ERC1: variants seen among roughly 807,000 people sequenced by gnomAD.
ERC1 encodes RAB6 interacting protein 2.
A neutral mutation model predicts 132.0 loss-of-function variants in ERC1; 56 were observed. That is an observed-to-expected ratio of 0.42 (90% CI 0.34 to 0.53). The LOEUF is 0.53. Among genes scored for constraint, ERC1 ranks in the 20% least tolerant of loss-of-function variants. ERC1 has a pLI of 0.03. For missense variants in ERC1, 1,202 were observed against 1,349.9 expected, an observed-to-expected ratio of 0.89 and a Z score of 1.72; for synonymous variants, 478 against 476.1, an observed-to-expected ratio of 1.00 and a Z score of -0.05.
intron 2 of ERC1, among the ~76,000 whole-genome samples, chr12:1,043,745 G>A (rs1193945022): frequency 6.6e-6 from 1 of 152,178 alleles, no homozygotes; most frequent in Non-Finnish European, 1.5e-5. Flanking sequence ...GTTTGACTGA[G>A]GACGAAGTTG....
chr12:1,444,362 C>T (rs2093243861), intron 17 of ERC1, 200 bp from the exon 18 acceptor site: 3 of 453,686 alleles, frequency 6.6e-6, no homozygotes, highest in African/African-American at 2.0e-5. Context: ...AGAAGGGCGG[C>T]TGCGTGTGAC....
intron 12 of ERC1, among the ~76,000 whole-genome samples, chr12:1,220,136 T>C (rs1594318101): frequency 6.6e-6 from 1 of 152,312 alleles, no homozygotes; most frequent in Non-Finnish European, 1.5e-5. Flanking sequence ...TCCTAGATCA[T>C]TATATGTCTC....
chr12:1,214,481 A>G (rs990523519), intron 12 of ERC1, among the ~76,000 whole-genome samples: 19 of 152,170 alleles, frequency 1.2e-4, no homozygotes, highest in Non-Finnish European at 5.9e-5. Flanking sequence ...AGAGTTAGAT[A>G]TAAACATATA....
intron 12 of ERC1, among the ~76,000 whole-genome samples, chr12:1,196,976 ATTTTTTTTTT>A (rs1172269593): frequency 0.26 from 19,154 of 73,354 alleles, 2,849 homozygotes; most frequent in Middle Eastern, 0.38. Flanking sequence ...ATATATATAT[ATTTTTTTTTT>A]TTTTTTTTTT....
chr12:1,428,013 G>A (rs1311415604), intron 17 of ERC1, among the ~76,000 whole-genome samples: 1 of 152,100 alleles, frequency 6.6e-6, no homozygotes, highest in South Asian at 2.1e-4. Flanking sequence ...TTTGTCCTGG[G>A]ACTCACTTGA....
intron 5 of ERC1, among the ~76,000 whole-genome samples, chr12:1,111,918 A>G (rs1462629749): frequency 1.3e-5 from 2 of 152,062 alleles, no homozygotes; most frequent in South Asian, 2.1e-4. Context: ...GGCCTCACAT[A>G]ACCAACTTTC....
chr12:1,121,789 A>G lies in ERC1; in HGVS notation c.1569+5756A>G, dbSNP rs55754369. Reference sequence around the variant, plus strand: ...TCTATCTCTATCTCTATCTATCTCTATCTCTATCTCTATCTCTATCTCTAT... The same window carrying G: ...TCTATCTCTATCTCTATCTATCTCTGTCTCTATCTCTATCTCTATCTCTAT... On this transcript the variant is annotated intron_variant, in intron 7 of 18. Transcript: ENST00000360905. Among the ~76,000 whole-genome samples, 5 of 5,148 alleles carry G rather than the reference A, an allele frequency of 9.7e-4. 1 individual carries two copies. The highest frequency in any genetic ancestry group is 0.019 in the South Asian group (1 of 54). The allele number at this position is 5,148 out of a possible 152,430, so 3.4% of individuals were successfully genotyped here. A position where few individuals can be genotyped will look rare whatever the true frequency, so the allele number is the denominator to read the frequency against.
intron 16 of ERC1, among the ~76,000 whole-genome samples, chr12:1,375,123 CT>C (rs1469941055): frequency 2.0e-5 from 3 of 152,138 alleles, no homozygotes; most frequent in African/African-American, 7.2e-5. Flanking sequence ...CGCTTCCACA[CT>C]GCTGTAAAGT....
chr12:1,456,750 C>T (rs1196393196), intron 18 of ERC1, among the ~76,000 whole-genome samples: 2 of 151,866 alleles, frequency 1.3e-5, no homozygotes, highest in Non-Finnish European at 2.9e-5. Flanking sequence ...TCTCACAGTA[C>T]TCCAGATGCA....
At chr12:1,300,551 A>G (rs995552054) in intron 15 of ERC1, among the ~76,000 whole-genome samples, 4 of 151,992 alleles carry the variant, frequency 2.6e-5, no homozygotes, top group African/African-American at 9.7e-5. Flanking sequence ...ATTTTTCCAA[A>G]TTGTGTGACA....
At chr12:1,218,979 TCTC>T (rs1448600284) in intron 12 of ERC1, among the ~76,000 whole-genome samples, 1 of 151,918 alleles carries the variant, frequency 6.6e-6, no homozygotes, top group East Asian at 1.9e-4. Flanking sequence ...TTCAAGCAAT[TCTC>T]CTGCCTCAGC....
At chr12:1,328,555 T>C (rs1246486381) in intron 15 of ERC1, among the ~76,000 whole-genome samples, 3 of 144,196 alleles carry the variant, frequency 2.1e-5, no homozygotes, top group African/African-American at 8.7e-5. Flanking sequence ...CGTTGAAGGT[T>C]CCCCATAATC....
intron 13 of ERC1, among the ~76,000 whole-genome samples, chr12:1,255,621 CTTTTTTTTTTTTTT>C (rs757949030): frequency 4.2e-4 from 26 of 61,558 alleles, no homozygotes; most frequent in African/African-American, 8.4e-4. Flanking sequence ...GCTTCCTGGC[CTTTTTTTTTTTTTT>C]TTTTTTTTTT....
intron 17 of ERC1, among the ~76,000 whole-genome samples, chr12:1,433,945 C>G (rs1180670864): frequency 1.4e-5 from 2 of 147,356 alleles, no homozygotes; most frequent in Non-Finnish European, 3.0e-5. Context: ...CACCACTGCA[C>G]TCCAGCCTAG....
intron 15 of ERC1, among the ~76,000 whole-genome samples, chr12:1,291,483 A>C (rs927370009): frequency 5.3e-5 from 8 of 152,236 alleles, no homozygotes; most frequent in Admixed American, 1.3e-4. Flanking sequence ...ATCATTGAAC[A>C]AGTGAAAAGA....
chr12:995,691 T>G (rs1592560851), intron 1 of ERC1, among the ~76,000 whole-genome samples: 1 of 152,310 alleles, frequency 6.6e-6, no homozygotes, highest in East Asian at 1.9e-4. Flanking sequence ...GACTGATTCA[T>G]TCACTTATTC....
At chr12:1,238,004 A>G (rs2075540059) in intron 13 of ERC1, among the ~76,000 whole-genome samples, 1 of 152,142 alleles carries the variant, frequency 6.6e-6, no homozygotes, top group African/African-American at 2.4e-5. Context: ...TCTTTTTCTC[A>G]TTCCTCTTTT....
chr12:1,312,723 C>T (rs1458810698), intron 15 of ERC1, among the ~76,000 whole-genome samples: 1 of 152,148 alleles, frequency 6.6e-6, no homozygotes, highest in Non-Finnish European at 1.5e-5. Context: ...ACCTCACTTC[C>T]AAGATAATTG....
Position 1,028,418 on chromosome 12 carries a change from T to C in ERC1, c.515T>C (p.Val172Ala). ...GAAAATGATCTCTTGCGGAAGGATG[T>C]GGAAGTAAAGGAGAGCAAATTGAGT... ...LRENDLLRKD[V>A]EVKESKLSSS... Residue 172 changes from valine (V) to alanine (A), a missense_variant, in exon 2 of 19, where the codon GTG becomes GCG. By Grantham distance (64) the Val-to-Ala change is moderately conservative (BLOSUM62 0). Transcript: ENST00000360905. The C allele has an allele frequency of 6.2e-7, 1 of 1,614,100 alleles. No individual in the cohort carries two copies. The highest frequency in any genetic ancestry group is 8.5e-7 in the Non-Finnish European group (1 of 1,180,006).
Sources: allele counts gnomAD v4.1 joint callset (sites outside exome capture counted in the v4.1 genomes callset), GRCh38; gene constraint gnomAD v4.1.1; transcripts MANE v1.5; gene names NCBI Gene and HGNC (gene_info 2026-07-23, HGNC 2026-07-21).